Variants in MARCHF6 observed in about 807,000 individuals in gnomAD.
MARCHF6 encodes the protein membrane associated ring-CH-type finger 6, also known as E3 ubiquitin-protein ligase MARCHF6.
A neutral mutation model predicts 133.7 loss-of-function variants in MARCHF6; 31 were observed. That is an observed-to-expected ratio of 0.23 (90% confidence interval 0.17 to 0.31). The LOEUF is 0.31. Ranked by LOEUF, MARCHF6 falls within the 10% of genes least tolerant of loss-of-function variation. MARCHF6 has a pLI of 1.00. For missense variants in MARCHF6, 723 were observed against 1,121.6 expected (o/e 0.64, Z 5.08); for synonymous variants, 395 against 402.5 (o/e 0.98, Z 0.22).
At position 10,430,086 on chromosome 5, in the gene MARCHF6, A is replaced by G. The variant is rs148681548; in HGVS notation, c.2642+58A>G. The G allele has an allele frequency of 1.3e-3, 1,936 of 1,544,024 alleles. 20 individuals carry two copies. In the African/African-American group the frequency reaches 0.023, roughly 19 times the overall value. ...AGTGTTTTCACTTCTTAATTTATGTATCTGATGTGACAAATCATAGGAGGG... is the reference window on the plus strand; with the variant it reads ...AGTGTTTTCACTTCTTAATTTATGTGTCTGATGTGACAAATCATAGGAGGG... On this transcript the variant is annotated intron_variant, in intron 25 of 25. Transcript: ENST00000274140.
intron 24 of MARCHF6, among the ~76,000 whole-genome samples, chr5:10,429,138 C>T (rs2126362802): frequency 6.6e-6 from 1 of 152,222 alleles, no homozygotes; most frequent in East Asian, 1.9e-4. Flanking sequence ...TGGAATAATC[C>T]ACCTGACGGT....
chr5:10,431,202 G>C (rs1740341265), intron 25 of MARCHF6, among the ~76,000 whole-genome samples: 1 of 152,204 alleles, frequency 6.6e-6, no homozygotes, highest in Non-Finnish European at 1.5e-5. Context: ...CACTTAGGCA[G>C]TCAGAGTACA....
rs1161781344 is a variant in MARCHF6, at chr5:10,402,598, C to G, written c.1188C>G (p.Ile396Met). 61 of 1,612,736 alleles carry G rather than the reference C, an allele frequency of 3.8e-5. No individual in the cohort carries two copies. Among genetic ancestry groups the G allele is most frequent in the Non-Finnish European group, 5.2e-5 (61 of 1,178,952 alleles). ...FPLICGWWLDICSLEMFDATL... is the reference protein window; with the variant it reads ...FPLICGWWLDMCSLEMFDATL... The stretch of plus-strand genomic sequence containing the variant: ...TCATTTGTGGTTGGTGGCTGGATAT[C>G]TGTTCCTTGGTAAGTTGAGTATTCA... Residue 396 changes from isoleucine to methionine, a missense_variant, in exon 14 of 26, where the codon ATC (isoleucine) becomes ATG (methionine). Transcript: ENST00000274140.
intron 19 of MARCHF6, chr5:10,413,177 T>C (rs959662906): frequency 5.9e-5 from 9 of 152,262 alleles, no homozygotes; most frequent in Admixed American, 3.9e-4. Flanking sequence ...GAGGAAAGCA[T>C]GAAGGTCATC....
chr5:10,400,948 G>A (rs1738493525), intron 11 of MARCHF6, 106 bp downstream of exon 11: 2 of 900,516 alleles, frequency 2.2e-6, no homozygotes, highest in South Asian at 2.9e-5. Flanking sequence ...TTGGCATTAT[G>A]CAAGGGAATA....
In MARCHF6 at chr5:10,419,839, C is replaced by A. The variant is rs188823260; in HGVS notation, c.2283+2435C>A. ...TTAAAACAACCATTTTAATTTTGTC[C>A]ATAGAGTCTGTGGGTCAGATATTAA... is the stretch of plus-strand genomic sequence containing the variant. On this transcript the variant is annotated intron_variant, in intron 22 of 25. Coordinates refer to ENST00000274140, the MANE Select transcript of MARCHF6 (RefSeq NM_005885.4). Among the ~76,000 whole-genome samples the A allele has an allele frequency of 2.0e-5, 3 of 152,212 alleles. No homozygotes were observed. The East Asian group carries it at 5.8e-4, about 29-fold the overall frequency.
intron 4 of MARCHF6, among the ~76,000 whole-genome samples, chr5:10,382,496 G>T (rs943601147): frequency 1.4e-5 from 2 of 146,446 alleles, no homozygotes; most frequent in African/African-American, 5.1e-5. Flanking sequence ...GACTGCAAAA[G>T]ATGAATTCTT....
intron 19 of MARCHF6, among the ~76,000 whole-genome samples, chr5:10,412,085 A>C (rs1465790104): frequency 6.6e-6 from 1 of 152,224 alleles, no homozygotes; most frequent in Non-Finnish European, 1.5e-5. Flanking sequence ...TAATAATGAC[A>C]TGGGCTTGTG....
At chr5:10,354,678 G>C (rs1735334650) in intron 1 of MARCHF6, 1 of 152,214 alleles carries the variant, frequency 6.6e-6, no homozygotes, top group African/African-American at 2.4e-5. Context: ...GAAGGTAGTA[G>C]ATTATTTTTA....
In MARCHF6 at chr5:10,373,832, A is replaced by C. The variant is rs111614994; in HGVS notation, c.20-3966A>C. On this transcript the variant is annotated intron_variant, in intron 1 of 25. Transcript: ENST00000274140. ...AGATCCTACAGTAGTAGCACATGCC[A>C]GTTTCAAAAGTTAATCCACAGTATT... Among the ~76,000 whole-genome samples the C allele has an allele frequency of 7.4e-3, 1,127 of 152,296 alleles. 15 individuals are homozygous for C. The highest frequency in any genetic ancestry group is 0.025 in the African/African-American group (1,043 of 41,554).
At chr5:10,362,850 G>A (rs769999366) in intron 1 of MARCHF6, among the ~76,000 whole-genome samples, 2 of 152,164 alleles carry the variant, frequency 1.3e-5, no homozygotes, top group Non-Finnish European at 2.9e-5. Flanking sequence ...CCATTTGTCT[G>A]GTAGTGTAGG....
At chr5:10,376,778 C>T (rs1234730766) in intron 1 of MARCHF6, among the ~76,000 whole-genome samples, 2 of 152,262 alleles carry the variant, frequency 1.3e-5, no homozygotes, top group East Asian at 1.9e-4. Context: ...ACACTGCTCT[C>T]GGCATGTGCT....
chr5:10,381,728 C>CTATTTTA (rs1737160463), intron 3 of MARCHF6, 72 bp from the exon 4 acceptor site: 2 of 1,195,558 alleles, frequency 1.7e-6, no homozygotes, highest in Non-Finnish European at 2.3e-6. Context: ...TAGTTAATGT[C>CTATTTTA]TATTTTATAT....
At chr5:10,368,193 C>T (rs376019066) in intron 1 of MARCHF6, among the ~76,000 whole-genome samples, 18 of 152,230 alleles carry the variant, frequency 1.2e-4, no homozygotes, top group African/African-American at 3.6e-4. Flanking sequence ...ACAGGCTATT[C>T]TTTTTTTGAC....
chr5:10,428,343 T>G (rs1387263268), intron 24 of MARCHF6, among the ~76,000 whole-genome samples: 9 of 141,192 alleles, frequency 6.4e-5, no homozygotes, highest in Admixed American at 4.9e-4. Context: ...TTTTTTTTTT[T>G]TTTTTTTTTT....
intron 1 of MARCHF6, among the ~76,000 whole-genome samples, chr5:10,372,375 G>A (rs1736524949): frequency 6.6e-6 from 1 of 152,114 alleles, no homozygotes. Context: ...TGATTTAAAA[G>A]CATGTAGCAA....
At position 10,439,523 on chromosome 5, in the gene MARCHF6, A is replaced by G. The variant is rs531760260; in HGVS notation, c.*5839A>G. On this transcript the variant is annotated 3_prime_UTR_variant, in exon 26 of 26. Coordinates refer to ENST00000274140, the MANE Select transcript of MARCHF6 (RefSeq NM_005885.4). ...AGACAAGCTGTAGAGTGGCAGAAAA[A>G]TATTTGCAAAACATTTCTGATAAAT... 1 of 152,364 alleles carries G rather than the reference A, an allele frequency of 6.6e-6. No individual in the cohort carries two copies. Among genetic ancestry groups the G allele is most frequent in the South Asian group, 2.1e-4 (1 of 4,826 alleles). 9.4% of individuals were successfully genotyped at this position (152,364 alleles called of 1,614,324 possible). A position where few individuals can be genotyped will look rare whatever the true frequency, so the allele number is the denominator to read the frequency against.
intron 1 of MARCHF6, among the ~76,000 whole-genome samples, chr5:10,360,809 C>G (rs1464462256): frequency 6.6e-6 from 1 of 152,198 alleles, no homozygotes; most frequent in Non-Finnish European, 1.5e-5. Context: ...GCTGGTAAGA[C>G]AGTGCAAAAG....
intron 1 of MARCHF6, among the ~76,000 whole-genome samples, chr5:10,367,741 A>G (rs1736219451): frequency 6.6e-6 from 1 of 151,994 alleles, no homozygotes; most frequent in African/African-American, 2.4e-5. Context: ...AAGAATTTGA[A>G]AAATTACTAA....
Sources: gnomAD v4.1 joint callset for allele counts (sites outside exome capture counted in the v4.1 genomes callset) on GRCh38, gnomAD v4.1.1 for gene constraint, MANE v1.5 for transcripts, NCBI Gene and HGNC (gene_info 2026-07-23, HGNC 2026-07-21) for gene names.